Variants in ADARB2 observed in about 807,000 individuals in gnomAD.
ADARB2 encodes the protein adenosine deaminase RNA specific B2 (inactive).
A neutral mutation model predicts 62.2 loss-of-function variants in ADARB2; 25 were observed. That is an observed-to-expected ratio of 0.40 (90% CI 0.29 to 0.56). The LOEUF is 0.56. ADARB2 is among the 20% of genes least tolerant of loss of function. ADARB2 has a pLI of 0.43. For synonymous variants in ADARB2, 572 were observed against 500.8 expected (o/e 1.14, Z -1.90); for missense variants, 1,071 against 1,077.4 (o/e 0.99, Z 0.08).
Position 1,363,398 on chromosome 10 carries a change from A to G in ADARB2, c.707T>C (p.Leu236Pro). ...GGCGTCCCCGGGGCGGCCTCCCGCG[A>G]GTCCGGGGCGCGGCGCCGGGGGCTC... ...EFEPPAPRPGLAGGRPGDAAL... is the reference protein window; with the variant it reads ...EFEPPAPRPGPAGGRPGDAAL... Residue 236 changes from leucine (L) to proline (P), a missense_variant, in exon 3 of 10, where the codon CTC (leucine) becomes CCC (proline). By Grantham distance (98) the Leu-to-Pro change is moderately conservative. Transcript: ENST00000381312. The G allele has an allele frequency of 7.4e-7, 1 of 1,343,468 alleles. No individual in the cohort carries two copies. Among genetic ancestry groups the G allele is most frequent in the Non-Finnish European group, 9.6e-7 (1 of 1,045,420 alleles). 83.2% of individuals were successfully genotyped at this position (1,343,468 alleles called of 1,614,324 possible).
At chr10:1,494,268 C>T (rs775191374) in intron 1 of ADARB2, among the ~76,000 whole-genome samples, 40 of 152,276 alleles carry the variant, frequency 2.6e-4, no homozygotes, top group Non-Finnish European at 4.4e-4. Flanking sequence ...TAGACAATAT[C>T]CATGTCTCCT....
chr10:1,736,366 G>T (rs1286578491), intron 1 of ADARB2, among the ~76,000 whole-genome samples: 1 of 152,200 alleles, frequency 6.6e-6, no homozygotes, highest in African/African-American at 2.4e-5. Flanking sequence ...TCAGTAACAA[G>T]GCACAGCTGA....
At chr10:1,476,243 G>A (rs1041975209) in intron 1 of ADARB2, among the ~76,000 whole-genome samples, 5 of 152,178 alleles carry the variant, frequency 3.3e-5, no homozygotes, top group Non-Finnish European at 7.4e-5. Context: ...GCCTGGAGTG[G>A]AGCCAGGGGG....
intron 1 of ADARB2, among the ~76,000 whole-genome samples, chr10:1,411,521 GC>G (rs1832759545): frequency 6.6e-6 from 1 of 152,244 alleles, no homozygotes; most frequent in South Asian, 2.1e-4. Flanking sequence ...GGAATTTGAA[GC>G]TTTTTCCTCC....
chr10:1,465,567 C>G (rs1235102233), intron 1 of ADARB2, among the ~76,000 whole-genome samples: 3 of 152,230 alleles, frequency 2.0e-5, no homozygotes, highest in African/African-American at 7.2e-5. Flanking sequence ...CTCACTCAAG[C>G]AAAGCTGCCT....
At chr10:1,719,955 A>T (rs1013098631) in intron 1 of ADARB2, among the ~76,000 whole-genome samples, 14 of 152,262 alleles carry the variant, frequency 9.2e-5, no homozygotes, top group Non-Finnish European at 1.3e-4. Context: ...AATGTAAATT[A>T]GCTCAGCCAA....
chr10:1,310,727 G>A (rs111769463), intron 3 of ADARB2, among the ~76,000 whole-genome samples: 1 of 152,140 alleles, frequency 6.6e-6, no homozygotes, highest in Non-Finnish European at 1.5e-5. Flanking sequence ...GAGGGGAGGA[G>A]GCTCTCCAGG....
chr10:1,617,675 CACT>C (rs1833659767), intron 1 of ADARB2, among the ~76,000 whole-genome samples: 1 of 150,982 alleles, frequency 6.6e-6, no homozygotes, highest in Admixed American at 6.6e-5. Flanking sequence ...CGTCCAGACA[CACT>C]CCACACCGCC....
rs1185388260 is a variant in ADARB2 at position 1,616,589 on chromosome 10, C to T, written c.100+120462G>A. ...CTCCGCACCACCCTGCTGTGCTCTG[C>T]ATCCTGGGAACTGGCCTCAGAGGGT... is the stretch of plus-strand genomic sequence containing the variant. On this transcript the variant is annotated intron_variant, in intron 1 of 9. Transcript: ENST00000381312. 9.0e-5 allele frequency among the ~76,000 whole-genome samples: 13 copies of T among 143,726 alleles called. 2 individuals carry two copies. Among genetic ancestry groups the T allele is most frequent in the African/African-American group, 2.6e-4 (10 of 38,052 alleles). The allele number at this position is 143,726 out of a possible 152,430, so 94.3% of individuals were successfully genotyped here.
At chr10:1,370,877 C>T (rs1242965191) in intron 2 of ADARB2, among the ~76,000 whole-genome samples, 3 of 152,208 alleles carry the variant, frequency 2.0e-5, no homozygotes, top group Non-Finnish European at 2.9e-5. Flanking sequence ...TCCACATTGC[C>T]TAAAGCAGTC....
At chr10:1,489,976 A>C (rs10794753) in intron 1 of ADARB2, among the ~76,000 whole-genome samples, 49,626 of 152,148 alleles carry the variant, frequency 0.33, 8,556 homozygotes, top group Non-Finnish European at 0.38. Context: ...CTGCTGCTAC[A>C]GGTGCACGGA....
At chr10:1,507,686 A>G (rs2676719) in intron 1 of ADARB2, among the ~76,000 whole-genome samples, 103,771 of 152,058 alleles carry the variant, frequency 0.68, 35,747 homozygotes, top group Admixed American at 0.73. Context: ...CCAGGACTCG[A>G]TGGAGGGGCA....
chr10:1,486,685 G>A lies in ADARB2; in HGVS notation c.101-107525C>T, dbSNP rs576822692. On this transcript the variant is annotated intron_variant, in intron 1 of 9. Coordinates refer to ENST00000381312, the MANE Select transcript of ADARB2 (RefSeq NM_018702.4). ...AAGCAGGGGTGCAAAAGAAACGACG[G>A]CCAGCCATCAGCATCAGCCTCAGAA... Among the ~76,000 whole-genome samples the A allele has an allele frequency of 5.6e-4, 86 of 152,266 alleles. No homozygotes were observed. The South Asian group carries it at 0.015, about 27-fold the overall frequency.
At chr10:1,527,687 T>C (rs1485425446) in intron 1 of ADARB2, among the ~76,000 whole-genome samples, 1 of 152,190 alleles carries the variant, frequency 6.6e-6, no homozygotes, top group Admixed American at 6.5e-5. Context: ...TGCTATTTGG[T>C]TTGGTAAGAC....
rs568983631 is a variant in ADARB2 at position 1,300,344 on chromosome 10, C to T, written c.1078-29275G>A. 8.4e-5 allele frequency among the ~76,000 whole-genome samples: 12 copies of T among 142,122 alleles called. No individual in the cohort carries two copies. The East Asian group carries it at 9.3e-4, about 11-fold the overall frequency. 93.2% of individuals were successfully genotyped at this position (142,122 alleles called of 152,430 possible). On this transcript the variant is annotated intron_variant, in intron 3 of 9. Transcript: ENST00000381312. ...ACATCCCCTCCTGTTCCTACAGTGA[C>T]GGCTGCTCCCAGCCTCTCACACCAC...
chr10:1,631,324 C>T (rs1253394856), intron 1 of ADARB2, among the ~76,000 whole-genome samples: 1 of 151,722 alleles, frequency 6.6e-6, no homozygotes, highest in East Asian at 1.9e-4. Flanking sequence ...CTGGACGCGG[C>T]AGGGAACAGC....
intron 6 of ADARB2, among the ~76,000 whole-genome samples, chr10:1,227,462 G>T (rs1355020655): frequency 1.3e-5 from 2 of 152,224 alleles, no homozygotes; most frequent in African/African-American, 4.8e-5. Flanking sequence ...CGGTACCTCA[G>T]TTGGAAATGC....
chr10:1,717,964 C>T lies in ADARB2; in HGVS notation c.100+19087G>A, dbSNP rs1294543641. Among the ~76,000 whole-genome samples the T allele has an allele frequency of 3.9e-5, 6 of 152,048 alleles. 1 individual carries two copies. In the South Asian group the frequency reaches 1.0e-3, roughly 26 times the overall value. ...AAAACTTTTAAACATGTATTAAATG[C>T]CATCTTATATTTTAATGGGAATTAG... On this transcript the variant is annotated intron_variant, in intron 1 of 9. Transcript: ENST00000381312.
chr10:1,252,486 C>G (rs1435537310), intron 4 of ADARB2, among the ~76,000 whole-genome samples: 1 of 152,214 alleles, frequency 6.6e-6, no homozygotes, highest in Non-Finnish European at 1.5e-5. Context: ...CCTAACTGAT[C>G]TTCTGTACAA....
Sources: gnomAD v4.1 joint callset for allele counts (sites outside exome capture counted in the v4.1 genomes callset) on GRCh38, gnomAD v4.1.1 for gene constraint, MANE v1.5 for transcripts, NCBI Gene and HGNC (gene_info 2026-07-23, HGNC 2026-07-21) for gene names.